FERMT1: variants seen among roughly 807,000 people sequenced by gnomAD.
FERMT1 encodes the protein fermitin family homolog 1.
Under a neutral mutation model 85.3 loss-of-function variants are expected in FERMT1, and 60 were observed. The observed-to-expected ratio is 0.70, with a 90% confidence interval of 0.57 to 0.87. The LOEUF is 0.87. Among genes scored for constraint, FERMT1 ranks in the 40% least tolerant of loss-of-function variants. The probability of loss-of-function intolerance (pLI) is 0.00; values close to 1 mark genes in which losing one functional copy is unlikely to be tolerated. For synonymous variants in FERMT1, 275 were observed against 301.1 expected, an observed-to-expected ratio of 0.91 and a Z score of 0.90; for missense variants, 701 against 818.9, an observed-to-expected ratio of 0.86 and a Z score of 1.76.
At chr20:6,114,684 T>C (rs1747168090) in intron 3 of FERMT1, among the ~76,000 whole-genome samples, 1 of 152,152 alleles carries the variant, frequency 6.6e-6, no homozygotes, top group South Asian at 2.1e-4. Flanking sequence ...CAACAGTTAT[T>C]GTATGCTAGG....
At chr20:6,084,934 C>T in intron 12 of FERMT1, 132 bp downstream of exon 12, 1 of 793,986 alleles carries the variant, frequency 1.3e-6, no homozygotes, top group Non-Finnish European at 2.1e-6. Context: ...TTCAAGTGAC[C>T]CACCCACCTT....
intron 10 of FERMT1, among the ~76,000 whole-genome samples, 183 bp downstream of exon 10, chr20:6,088,782 C>A (rs559462477): frequency 8.6e-5 from 13 of 152,020 alleles, no homozygotes; most frequent in African/African-American, 2.9e-4. Flanking sequence ...TGCCACCACG[C>A]CTGGCTAATT....
At chr20:6,099,386 C>T (rs140854923) in intron 6 of FERMT1, among the ~76,000 whole-genome samples, 23 of 131,782 alleles carry the variant, frequency 1.7e-4, no homozygotes, top group Non-Finnish European at 3.3e-4. Context: ...GCCTGGGCAA[C>T]AAGAGTGAGA....
At chr20:6,102,907 A>G (rs1982699992) in intron 6 of FERMT1, among the ~76,000 whole-genome samples, 1 of 152,118 alleles carries the variant, frequency 6.6e-6, no homozygotes, top group African/African-American at 2.4e-5. Context: ...AGGGGTTACT[A>G]TTTAGATCTA....
chr20:6,093,695 G>A (rs542774484), intron 9 of FERMT1, among the ~76,000 whole-genome samples: 3 of 152,332 alleles, frequency 2.0e-5, no homozygotes, highest in South Asian at 2.1e-4. Context: ...GGTGGCTCAC[G>A]CCTGTAATCC....
At chr20:6,078,653 T>G (rs11480503) in intron 14 of FERMT1, among the ~76,000 whole-genome samples, 1,468 of 100,326 alleles carry the variant, frequency 0.015, 28 homozygotes, top group African/African-American at 0.038. Context: ...TTTGTTTTTT[T>G]TTTTTTTAAT....
In FERMT1 at chr20:6,082,187, A is replaced by G. The variant is rs539383698; in HGVS notation, c.1718+1853T>C. On this transcript the variant is annotated intron_variant, in intron 13 of 14. Transcript: ENST00000217289. ...AGGTGTTAGAGATAGAGGGAGGTGC[A>G]GGGGGAAGTAGCTGGTAAAGGAGGA... 2.1e-3 allele frequency among the ~76,000 whole-genome samples: 320 copies of G among 152,326 alleles called. 1 individual carries two copies. Among genetic ancestry groups the G allele is most frequent in the Non-Finnish European group, 3.3e-3 (224 of 68,022 alleles).
At chr20:6,110,239 C>T (rs1180202521) in intron 5 of FERMT1, 59 bp downstream of exon 5, 47 of 1,391,586 alleles carry the variant, frequency 3.4e-5, no homozygotes, top group Non-Finnish European at 4.3e-5. Context: ...AACGTGACAT[C>T]CCATCTCTTA....
intron 6 of FERMT1, among the ~76,000 whole-genome samples, chr20:6,099,822 A>G (rs74755197): frequency 0.089 from 12,662 of 142,804 alleles, 1,079 homozygotes; most frequent in East Asian, 0.47. Context: ...ATGATGAGTC[A>G]CTGTTTCTAA....
intron 6 of FERMT1, among the ~76,000 whole-genome samples, chr20:6,106,959 A>G (rs1191026843): frequency 6.6e-6 from 1 of 152,116 alleles, no homozygotes; most frequent in Non-Finnish European, 1.5e-5. Flanking sequence ...GCACTTTGGG[A>G]GGCCGAGGTG....
At chr20:6,091,547 ATTG>A (rs904024829) in intron 9 of FERMT1, among the ~76,000 whole-genome samples, 2 of 152,160 alleles carry the variant, frequency 1.3e-5, no homozygotes, top group African/African-American at 2.4e-5. Context: ...TAAGGAACAT[ATTG>A]TTGTTTAATA....
At chr20:6,091,971 CTG>C (rs1366693148) in intron 9 of FERMT1, among the ~76,000 whole-genome samples, 2 of 148,018 alleles carry the variant, frequency 1.4e-5, no homozygotes, top group Non-Finnish European at 3.0e-5. Flanking sequence ...GGGTTTCACT[CTG>C]TTGCCCAGAC....
chr20:6,079,908 G>A (rs953593486), intron 13 of FERMT1, among the ~76,000 whole-genome samples: 10 of 152,256 alleles, frequency 6.6e-5, no homozygotes, highest in Admixed American at 2.6e-4. Context: ...TAAACTAAAC[G>A]GATGGAAAAT....
intron 6 of FERMT1, 110 bp downstream of exon 6, chr20:6,107,422 G>C (rs1982828814): frequency 1.5e-6 from 1 of 647,148 alleles, no homozygotes; most frequent in African/African-American, 1.8e-5. Flanking sequence ...GGGCTAAACA[G>C]GCGATCACAC....
intron 4 of FERMT1, 103 bp downstream of exon 4, chr20:6,112,373 CA>C (rs1462539400): frequency 8.4e-7 from 1 of 1,188,204 alleles, no homozygotes; most frequent in Non-Finnish European, 1.2e-6. Flanking sequence ...ATCAGTTCTG[CA>C]ATTTTATTTC....
rs755419437 is a variant in FERMT1, at chr20:6,076,441, C to T, written c.*732G>A. ...CACCCACATCTTCACAAAGGACTTA[C>T]AGGTGGCTGAGAGATCTGTAGGAAT... On this transcript the variant is annotated 3_prime_UTR_variant, in exon 15 of 15. Transcript: ENST00000217289. 3.9e-6 allele frequency: 2 copies of T among 518,186 alleles called. No individual in the cohort carries two copies. Among genetic ancestry groups the T allele is most frequent in the South Asian group, 1.4e-5 (1 of 71,120 alleles). The allele number at this position is 518,186 out of a possible 1,614,324, so 32.1% of individuals were successfully genotyped here.
At chr20:6,107,493 T>A in intron 6 of FERMT1, 39 bp downstream of exon 6, 1 of 1,234,076 alleles carries the variant, frequency 8.1e-7, no homozygotes, top group Non-Finnish European at 1.2e-6. Flanking sequence ...CATGCATTCA[T>A]ATTAAAAAGA....
At position 6,075,154 on chromosome 20, in the gene FERMT1, A is replaced by G. The variant is rs1981780588; in HGVS notation, c.*2019T>C. 1 of 152,230 alleles carries G rather than the reference A, an allele frequency of 6.6e-6. No individual in the cohort carries two copies. Among genetic ancestry groups the G allele is most frequent in the Non-Finnish European group, 1.5e-5 (1 of 68,022 alleles). 9.4% of individuals were successfully genotyped at this position (152,230 alleles called of 1,614,324 possible). On this transcript the variant is annotated 3_prime_UTR_variant, in exon 15 of 15. Transcript: ENST00000217289. ...TGTAACCAAACAAAGTTTGGTTAAA[A>G]CAAAGTTGGTTCCTTTGTTTTCATG...
chr20:6,106,262 A>C (rs567474642), intron 6 of FERMT1, among the ~76,000 whole-genome samples: 3 of 152,224 alleles, frequency 2.0e-5, no homozygotes, highest in African/African-American at 7.2e-5. Flanking sequence ...CTGAGCAGGA[A>C]CCTCTCCTTA....
Sources: gnomAD v4.1 joint callset for allele counts (sites outside exome capture counted in the v4.1 genomes callset) on GRCh38, gnomAD v4.1.1 for gene constraint, MANE v1.5 for transcripts, NCBI Gene and HGNC (gene_info 2026-07-23, HGNC 2026-07-21) for gene names.